Variants in TRNAU1AP observed in about 807,000 individuals in gnomAD.
The protein encoded by TRNAU1AP is tRNA selenocysteine 1 associated protein 1, also known as tRNA selenocysteine 1-associated protein 1.
Under a neutral mutation model 43.3 loss-of-function variants are expected in TRNAU1AP, and 33 were observed. That is an observed-to-expected ratio of 0.76 (90% confidence interval 0.58 to 1.02). TRNAU1AP has a LOEUF of 1.02. Ranked by LOEUF, TRNAU1AP falls within the 50% of genes least tolerant of loss-of-function variation. The probability of loss-of-function intolerance (pLI) is 0.00; values close to 1 mark genes in which losing one functional copy is unlikely to be tolerated. For synonymous variants in TRNAU1AP, 143 were observed against 129.1 expected, an observed-to-expected ratio of 1.11 and a Z score of -0.73; for missense variants, 290 against 362.7, an observed-to-expected ratio of 0.80 and a Z score of 1.63.
At chr1:28,556,509 C>CTT (rs1158772133) in intron 2 of TRNAU1AP, among the ~76,000 whole-genome samples, 26 of 129,888 alleles carry the variant, frequency 2.0e-4, no homozygotes, top group Admixed American at 3.1e-4. Flanking sequence ...ACATTTTAAT[C>CTT]TTTTTTTTTT....
At chr1:28,569,559 C>T (rs1443974067) in intron 6 of TRNAU1AP, among the ~76,000 whole-genome samples, 13 of 148,684 alleles carry the variant, frequency 8.7e-5, no homozygotes, top group South Asian at 8.5e-4. Flanking sequence ...GGTGTGGTGG[C>T]GGGCACCTGT....
chr1:28,557,650 G>A (rs1359706836), intron 2 of TRNAU1AP, among the ~76,000 whole-genome samples: 2 of 151,036 alleles, frequency 1.3e-5, no homozygotes, highest in African/African-American at 4.9e-5. Context: ...GTGCAGTGGC[G>A]CAATCTTAGC....
At chr1:28,567,720 A>G (rs1665572278) in intron 6 of TRNAU1AP, among the ~76,000 whole-genome samples, 1 of 152,202 alleles carries the variant, frequency 6.6e-6, no homozygotes, top group Non-Finnish European at 1.5e-5. Flanking sequence ...TTCTTTGCCC[A>G]GTAGTCCCAT....
rs940948055 is a variant in TRNAU1AP at position 28,560,624 on chromosome 1, T to G, written c.126-9T>G. On this transcript the variant is annotated splice_polypyrimidine_tract_variant and intron_variant, in intron 2 of 8. Transcript: ENST00000373830. Reference sequence around the variant, plus strand: ...AACCATTTTCTTTCTCTATTTGCTTTTTTTCCAGGATCCCAGCTGGCTACT... The same window carrying G: ...AACCATTTTCTTTCTCTATTTGCTTGTTTTCCAGGATCCCAGCTGGCTACT... 1 of 1,612,674 alleles carries G rather than the reference T, an allele frequency of 6.2e-7. No homozygotes were observed. Among genetic ancestry groups the G allele is most frequent in the Non-Finnish European group, 8.5e-7 (1 of 1,179,070 alleles).
rs567693590 is a variant in TRNAU1AP at position 28,571,732 on chromosome 1, G to C, written c.694-135G>C. ...TGGGATGCGGGTGTTGCAGTGAGCC[G>C]AGATCACGCCACTACACTCTAGTCT... On this transcript the variant is annotated intron_variant, in intron 7 of 8. Coordinates refer to ENST00000373830, the MANE Select transcript of TRNAU1AP (RefSeq NM_017846.5). 3 of 670,410 alleles carry C rather than the reference G, an allele frequency of 4.5e-6. No homozygotes were observed. The African/African-American group carries it at 5.4e-5, about 12-fold the overall frequency. The allele number at this position is 670,410 out of a possible 1,614,324, so 41.5% of individuals were successfully genotyped here.
intron 8 of TRNAU1AP, among the ~76,000 whole-genome samples, chr1:28,576,155 A>C (rs531430410): frequency 2.0e-4 from 26 of 129,134 alleles, no homozygotes; most frequent in African/African-American, 7.1e-4. Context: ...CACAGTGCCC[A>C]GTTTTTTTTT....
At chr1:28,560,429 G>A (rs1004919776) in intron 2 of TRNAU1AP, among the ~76,000 whole-genome samples, 11 of 151,980 alleles carry the variant, frequency 7.2e-5, no homozygotes, top group African/African-American at 2.7e-4. Flanking sequence ...CTACAGGTGT[G>A]CGCCGCCATG....
At chr1:28,573,158 C>G (rs546765875) in intron 8 of TRNAU1AP, among the ~76,000 whole-genome samples, 9 of 149,178 alleles carry the variant, frequency 6.0e-5, no homozygotes, top group African/African-American at 2.2e-4. Flanking sequence ...CTCAGCCTCC[C>G]GAAGAGCTGG....
At position 28,558,893 on chromosome 1, in the gene TRNAU1AP, A is replaced by T. The variant is rs139699488; in HGVS notation, c.126-1740A>T. The stretch of plus-strand genomic sequence containing the variant: ...CTGGACGTTTTCTTACATAACCACA[A>T]TGCTTATATCACACTAACAAAATTA... On this transcript the variant is annotated intron_variant, in intron 2 of 8. Transcript: ENST00000373830. Among the ~76,000 whole-genome samples the T allele has an allele frequency of 8.6e-4, 131 of 152,192 alleles. No homozygotes were observed. In the East Asian group the frequency reaches 0.024, roughly 27 times the overall value.
chr1:28,566,239 T>C (rs1249474655), intron 5 of TRNAU1AP, among the ~76,000 whole-genome samples: 2 of 145,882 alleles, frequency 1.4e-5, no homozygotes, highest in African/African-American at 5.1e-5. Flanking sequence ...CGCTTCAACC[T>C]GGGAGGCCGA....
At chr1:28,558,716 C>T (rs1424894544) in intron 2 of TRNAU1AP, among the ~76,000 whole-genome samples, 1 of 151,990 alleles carries the variant, frequency 6.6e-6, no homozygotes, top group Non-Finnish European at 1.5e-5. Flanking sequence ...AGGTGCCCGC[C>T]ACCACGCCTG....
chr1:28,554,279 T>C (rs1218597835), intron 2 of TRNAU1AP, among the ~76,000 whole-genome samples: 2 of 151,688 alleles, frequency 1.3e-5, no homozygotes, highest in African/African-American at 2.4e-5. Flanking sequence ...TCTATGACCT[T>C]GGGTAAGTTA....
Position 28,577,812 on chromosome 1 carries a change from C to A in TRNAU1AP, c.*176C>A. On this transcript the variant is annotated 3_prime_UTR_variant, in exon 9 of 9. Coordinates refer to ENST00000373830, the MANE Select transcript of TRNAU1AP (RefSeq NM_017846.5). The stretch of plus-strand genomic sequence containing the variant: ...TCATTTGACCATTTGAGTTTGAAGA[C>A]CAAGGGAACAACTTTTAAACAAGGT... The A allele has an allele frequency of 1.5e-6, 1 of 687,560 alleles. No individual in the cohort carries two copies. Among genetic ancestry groups the A allele is most frequent in the Non-Finnish European group, 2.3e-6 (1 of 426,626 alleles). 42.6% of individuals were successfully genotyped at this position (687,560 alleles called of 1,614,324 possible).
At chr1:28,578,545 ATTAGTCTTTTTATTCTTCTT>A (rs1403247560), downstream of TRNAU1AP, 1 of 346,552 alleles carries the variant, frequency 2.9e-6, no homozygotes, top group African/African-American at 2.2e-5. Flanking sequence ...ATATACTTTT[ATTAGTCTTTTTATTCTTCTT>A]TTATTGATCA....
intron 8 of TRNAU1AP, among the ~76,000 whole-genome samples, chr1:28,573,221 A>T (rs1350954494): frequency 1.3e-5 from 2 of 150,646 alleles, no homozygotes; most frequent in Non-Finnish European, 3.0e-5. Context: ...CTTAGTAGAG[A>T]CGGGGTTTCA....
intron 2 of TRNAU1AP, among the ~76,000 whole-genome samples, chr1:28,557,801 A>T (rs1308164612): frequency 6.6e-6 from 1 of 151,846 alleles, no homozygotes; most frequent in South Asian, 2.1e-4. Context: ...GTTGGCCAGG[A>T]TAGTCTCGAT....
At chr1:28,569,992 C>A (rs1215649798) in intron 6 of TRNAU1AP, among the ~76,000 whole-genome samples, 15 of 151,612 alleles carry the variant, frequency 9.9e-5, no homozygotes, top group African/African-American at 3.4e-4. Flanking sequence ...CAGAGCAAGA[C>A]TCTCTCAAAA....
chr1:28,553,311 C>T (rs1027655995), intron 1 of TRNAU1AP, 174 bp downstream of exon 1: 93 of 823,730 alleles, frequency 1.1e-4, no homozygotes, highest in Non-Finnish European at 1.7e-4. Context: ...AGGCTGAGTC[C>T]GTGAGGCTAG....
Position 28,577,776 on chromosome 1 carries a change from C to T in TRNAU1AP, c.*140C>T. On this transcript the variant is annotated 3_prime_UTR_variant, in exon 9 of 9. Coordinates refer to ENST00000373830, the MANE Select transcript of TRNAU1AP (RefSeq NM_017846.5). The stretch of plus-strand genomic sequence containing the variant: ...TTGGAGATCATGAATGTTTCTACAA[C>T]ACTGCTGCATTCATTTGACCATTTG... The T allele has an allele frequency of 1.1e-6, 1 of 909,854 alleles. No individual in the cohort carries two copies. Among genetic ancestry groups the T allele is most frequent in the Non-Finnish European group, 1.7e-6 (1 of 605,978 alleles). 56.4% of individuals were successfully genotyped at this position (909,854 alleles called of 1,614,324 possible). A position where few individuals can be genotyped will look rare whatever the true frequency, so the allele number is the denominator to read the frequency against.
Sources: allele counts gnomAD v4.1 joint callset (sites outside exome capture counted in the v4.1 genomes callset), GRCh38; gene constraint gnomAD v4.1.1; transcripts MANE v1.5; gene names NCBI Gene and HGNC (gene_info 2026-07-23, HGNC 2026-07-21).